Variants in NOTO observed in about 807,000 individuals in gnomAD.
NOTO encodes homeobox protein notochord.
A neutral mutation model predicts 20.5 loss-of-function variants in NOTO; 19 were observed. The ratio of observed to expected loss-of-function variants is 0.93; its 90% CI spans 0.65 to 1.36. The LOEUF is 1.36. NOTO is among the 40% of genes most tolerant of loss of function. The probability of loss-of-function intolerance (pLI) is 0.00; values close to 1 mark genes in which losing one functional copy is unlikely to be tolerated. For missense variants in NOTO, 369 were observed against 336.2 expected, an observed-to-expected ratio of 1.10 and a Z score of -0.76; for synonymous variants, 150 against 150.2, an observed-to-expected ratio of 1.00 and a Z score of 0.01.
intron 2 of NOTO, among the ~76,000 whole-genome samples, chr2:73,210,194 G>A (rs966198862): frequency 2.0e-5 from 3 of 152,140 alleles, no homozygotes; most frequent in Non-Finnish European, 4.4e-5. Context: ...TCTGGCACCC[G>A]CTGACCTCTC....
Position 73,210,920 on chromosome 2 carries a change from G to A in NOTO, c.747G>A (p.Val249=), listed in dbSNP as rs2103698391. The change falls in exon 3 of 3, where the codon GTG becomes GTA. Residue 249 remains valine (V), a synonymous_variant. Coordinates refer to ENST00000398468, the MANE Select transcript of NOTO (RefSeq NM_001134462.2). The part of the protein sequence containing the change: ...SIQSDDAESG[V]DG ...AGAGTGATGATGCCGAGTCAGGAGT[G>A]GACGGCTGAAGACTGGGACAGAGGC... 6.4e-7 allele frequency: 1 copy of A among 1,550,876 alleles called. No homozygotes were observed. Among genetic ancestry groups the A allele is most frequent in the Non-Finnish European group, 8.7e-7 (1 of 1,146,544 alleles).
chr2:73,205,908 C>T (rs1026999560), intron 1 of NOTO, among the ~76,000 whole-genome samples: 6 of 152,056 alleles, frequency 3.9e-5, no homozygotes, highest in African/African-American at 1.4e-4. Context: ...TAATTTAAAA[C>T]ATTTATTTTG....
chr2:73,208,492 G>T lies in NOTO; in HGVS notation c.475G>T (p.Val159Phe). ...GGACACTGAGAGACAGCAAAAGAGA[G>T]TCCGAACTATGTTTAACTTGGAGCA... is the stretch of plus-strand genomic sequence containing the variant. ...LQDTERQQKR[V>F]RTMFNLEQLE... Residue 159 changes from valine to phenylalanine, a missense_variant, in exon 2 of 3, where the codon GTC becomes TTC. Coordinates refer to ENST00000398468, the MANE Select transcript of NOTO (RefSeq NM_001134462.2). 6.4e-7 allele frequency: 1 copy of T among 1,551,634 alleles called. No individual in the cohort carries two copies. The highest frequency in any genetic ancestry group is 8.7e-7 in the Non-Finnish European group (1 of 1,146,908).
chr2:73,211,029 A>G lies in NOTO; in HGVS notation c.*100A>G. On this transcript the variant is annotated 3_prime_UTR_variant, in exon 3 of 3. Coordinates refer to ENST00000398468, the MANE Select transcript of NOTO (RefSeq NM_001134462.2). ...CACACCTCAACGAAAAGCCTCCTCA[A>G]CCAGAAGAATCTGAGCTGTCAAGCA... 9 of 951,164 alleles carry G rather than the reference A, an allele frequency of 9.5e-6. No homozygotes were observed. The highest frequency in any genetic ancestry group is 1.4e-5 in the Non-Finnish European group (9 of 649,684). The allele number at this position is 951,164 out of a possible 1,614,324, so 58.9% of individuals were successfully genotyped here.
Position 73,210,803 on chromosome 2 carries a change from G to A in NOTO, c.630G>A (p.Lys210=), listed in dbSNP as rs1434596816. 3.9e-6 allele frequency: 6 copies of A among 1,551,608 alleles called. No individual in the cohort carries two copies. Among genetic ancestry groups the A allele is most frequent in the Non-Finnish European group, 3.5e-6 (4 of 1,146,940 alleles). The change falls in exon 3 of 3, where the codon AAG becomes AAA. Residue 210 remains lysine (K), a synonymous_variant. Coordinates refer to ENST00000398468, the MANE Select transcript of NOTO (RefSeq NM_001134462.2). Reference sequence around the variant, plus strand: ...TCTGGTTCCAGAACCGCAGGGTCAAGTATCAGAAGCAGCAAAAGCTGAGGG... The same window carrying A: ...TCTGGTTCCAGAACCGCAGGGTCAAATATCAGAAGCAGCAAAAGCTGAGGG... ...VRVWFQNRRV[K]YQKQQKLRAA... is the part of the protein sequence containing the mutation.
chr2:73,210,391 G>C (rs1457596228), intron 2 of NOTO, among the ~76,000 whole-genome samples: 1 of 152,182 alleles, frequency 6.6e-6, no homozygotes, highest in Non-Finnish European at 1.5e-5. Flanking sequence ...TTTAATGCTG[G>C]CTCCTTAGGG....
intron 2 of NOTO, 28 bp from the exon 3 acceptor site, chr2:73,210,743 C>T (rs1311334756): frequency 3.1e-5 from 48 of 1,526,164 alleles, no homozygotes; most frequent in Non-Finnish European, 3.8e-5. Flanking sequence ...TGGTCACATT[C>T]TGATCTCTGC....
intron 1 of NOTO, among the ~76,000 whole-genome samples, chr2:73,203,448 C>A (rs982436309): frequency 6.7e-6 from 1 of 149,156 alleles, no homozygotes; most frequent in Non-Finnish European, 1.5e-5. Context: ...GCTCTCGACC[C>A]GAACCAATGG....
chr2:73,210,781 G>A lies in NOTO; in HGVS notation c.608G>A (p.Trp203Ter), dbSNP rs1001938402. Reference protein sequence around the residue: ...LKLTENQVRVWFQNRRVKYQK... With the variant: ...LKLTENQVRV ...ACTCTCCAATTATAGGTGAGAGTCT[G>A]GTTCCAGAACCGCAGGGTCAAGTAT... The change falls in exon 3 of 3, where the codon TGG (tryptophan) becomes TAG (stop). Residue 203 changes from tryptophan to a stop codon, truncating the protein, a stop_gained. Coordinates refer to ENST00000398468, the MANE Select transcript of NOTO (RefSeq NM_001134462.2). LOFTEE classifies it high-confidence loss of function. 11 of 1,550,402 alleles carry A rather than the reference G, an allele frequency of 7.1e-6. No individual in the cohort carries two copies. In the Admixed American group the frequency reaches 9.8e-5, roughly 14 times the overall value.
chr2:73,206,787 CTTTTTT>C (rs969908382), intron 1 of NOTO, among the ~76,000 whole-genome samples: 1 of 89,962 alleles, frequency 1.1e-5, no homozygotes, highest in African/African-American at 4.8e-5. Flanking sequence ...CCAACTAGAG[CTTTTTT>C]TTTTTTTTTT....
At position 73,208,621 on chromosome 2, in the gene NOTO, G is replaced by A; in HGVS notation, c.597+7G>A. 6.5e-7 allele frequency: 1 copy of A among 1,536,296 alleles called. No homozygotes were observed. Among genetic ancestry groups the A allele is most frequent in the Non-Finnish European group, 8.8e-7 (1 of 1,133,654 alleles). ...CAAACTTACAGAGAACCAGGTGGGA[G>A]TAGGGACTCCTATTGGGCCTGGGCT... On this transcript the variant is annotated splice_region_variant and intron_variant, in intron 2 of 2. Transcript: ENST00000398468.
In NOTO at chr2:73,210,915, G is replaced by A; in HGVS notation, c.742G>A (p.Gly248Arg). Reference sequence around the variant, plus strand: ...TATCCAGAGTGATGATGCCGAGTCAGGAGTGGACGGCTGAAGACTGGGACA... The same window carrying A: ...TATCCAGAGTGATGATGCCGAGTCAAGAGTGGACGGCTGAAGACTGGGACA... ...ASIQSDDAES[G>R]VDG Residue 248 changes from glycine (G) to arginine (R), a missense_variant, in exon 3 of 3, where the codon GGA becomes AGA. Coordinates refer to ENST00000398468, the MANE Select transcript of NOTO (RefSeq NM_001134462.2). The A allele has an allele frequency of 6.4e-7, 1 of 1,551,152 alleles. No homozygotes were observed. The highest frequency in any genetic ancestry group is 8.7e-7 in the Non-Finnish European group (1 of 1,146,674).
intron 1 of NOTO, among the ~76,000 whole-genome samples, chr2:73,204,753 G>A (rs766953259): frequency 2.0e-5 from 3 of 152,228 alleles, no homozygotes; most frequent in Middle Eastern, 6.8e-3. Flanking sequence ...CTCCCAGGCT[G>A]GAGTGCAGTG....
intron 1 of NOTO, among the ~76,000 whole-genome samples, chr2:73,204,271 C>G (rs1686054765): frequency 6.6e-6 from 1 of 152,152 alleles, no homozygotes; most frequent in African/African-American, 2.4e-5. Context: ...GAGTGAGACT[C>G]CGTCTCAAAC....
At chr2:73,205,899 A>G (rs1686083090) in intron 1 of NOTO, among the ~76,000 whole-genome samples, 1 of 152,098 alleles carries the variant, frequency 6.6e-6, no homozygotes, top group Non-Finnish European at 1.5e-5. Flanking sequence ...ATACTCGACT[A>G]ATTTAAAACA....
intron 1 of NOTO, 31 bp from the exon 2 acceptor site, chr2:73,208,349 CTAACCTCCCCTGCTGCTGGA>C (rs1197446700): frequency 3.0e-6 from 4 of 1,342,630 alleles, no homozygotes; most frequent in East Asian, 2.5e-5. Flanking sequence ...GGGCTTCTGG[CTAACCTCCCCTGCTGCTGGA>C]TAACCTCCCC....
intron 1 of NOTO, among the ~76,000 whole-genome samples, chr2:73,207,877 C>G (rs776915412): frequency 2.0e-5 from 3 of 152,208 alleles, no homozygotes; most frequent in Non-Finnish European, 4.4e-5. Context: ...TTTGTATCCT[C>G]AGCTCAACCC....
Position 73,208,600 on chromosome 2 carries a change from C to T in NOTO, c.583C>T (p.Leu195Phe). ...AGCCCAGCTGGCAGCTCGGCTCAAA[C>T]TTACAGAGAACCAGGTGGGAGTAGG... ...KRAQLAARLK[L>F]TENQVRVWFQ... is the part of the protein sequence containing the mutation. The change falls in exon 2 of 3, where the codon CTT (leucine) becomes TTT (phenylalanine). Residue 195 changes from leucine (L) to phenylalanine (F), a missense_variant. Transcript: ENST00000398468. 1 of 1,550,588 alleles carries T rather than the reference C, an allele frequency of 6.4e-7. No individual in the cohort carries two copies. Among genetic ancestry groups the T allele is most frequent in the Non-Finnish European group, 8.7e-7 (1 of 1,146,330 alleles).
chr2:73,203,051 A>T lies in NOTO; in HGVS notation c.382+3A>T. On this transcript the variant is annotated splice_donor_region_variant and intron_variant, in intron 1 of 2. Transcript: ENST00000398468. ...CCTGCTGGGCTTCGGCGTCACAGGT[A>T]CTGCGGTCCCGGCGCCCGCACGCGG... is the stretch of plus-strand genomic sequence containing the variant. The T allele has an allele frequency of 7.3e-7, 1 of 1,378,412 alleles. No homozygotes were observed. The highest frequency in any genetic ancestry group is 9.3e-7 in the Non-Finnish European group (1 of 1,071,432). The allele number at this position is 1,378,412 out of a possible 1,614,324, so 85.4% of individuals were successfully genotyped here. A position where few individuals can be genotyped will look rare whatever the true frequency, so the allele number is the denominator to read the frequency against.
Sources: gnomAD v4.1 joint callset for allele counts (sites outside exome capture counted in the v4.1 genomes callset) on GRCh38, gnomAD v4.1.1 for gene constraint, MANE v1.5 for transcripts, NCBI Gene and HGNC (gene_info 2026-07-23, HGNC 2026-07-21) for gene names.